The following CHD6 variants were observed in gnomAD, a reference collection of about 807,000 sequenced individuals.
CHD6 encodes the protein ATP-dependent chromatin remodeler CHD6.
CHD6 carries 50 observed loss-of-function variants against 276.9 expected under a neutral mutation model. The observed-to-expected ratio is 0.18, with a 90% CI of 0.14 to 0.23. The LOEUF (loss-of-function observed/expected upper bound fraction) is 0.23, where lower values mean the gene tolerates loss of function less well. Among genes scored for constraint, CHD6 ranks in the 10% least tolerant of loss-of-function variants. CHD6 has a pLI of 1.00. For missense variants in CHD6, 2,564 were observed against 3,365.8 expected, an observed-to-expected ratio of 0.76 and a Z score of 5.89; for synonymous variants, 1,173 against 1,229.3, an observed-to-expected ratio of 0.95 and a Z score of 0.96.
chr20:41,478,834 A>G (rs2043226660), intron 16 of CHD6, among the ~76,000 whole-genome samples: 1 of 152,232 alleles, frequency 6.6e-6, no homozygotes, highest in African/African-American at 2.4e-5. Flanking sequence ...CATAATATTC[A>G]CTAGGGCTAG....
intron 27 of CHD6, among the ~76,000 whole-genome samples, chr20:41,429,351 C>T (rs774586353): frequency 1.9e-4 from 29 of 152,314 alleles, no homozygotes; most frequent in South Asian, 6.2e-4. Flanking sequence ...TCTGGCTGCA[C>T]GTGACATCTG....
At chr20:41,517,883 T>C (rs2044289944) in intron 3 of CHD6, among the ~76,000 whole-genome samples, 1 of 152,244 alleles carries the variant, frequency 6.6e-6, no homozygotes, top group African/African-American at 2.4e-5. Flanking sequence ...AAGTCATGTA[T>C]TTTGCCTCTT....
intron 36 of CHD6, among the ~76,000 whole-genome samples, chr20:41,406,482 CG>C (rs2046679055): frequency 6.6e-6 from 1 of 152,194 alleles, no homozygotes; most frequent in South Asian, 2.1e-4. Context: ...CATCAGCGAG[CG>C]GAAGGCAGCA....
At chr20:41,510,223 G>A (rs914733947) in intron 5 of CHD6, among the ~76,000 whole-genome samples, 62 of 152,218 alleles carry the variant, frequency 4.1e-4, no homozygotes, top group African/African-American at 1.4e-3. Context: ...TGGAATCCTA[G>A]ATGAGATTCA....
At chr20:41,544,749 ACT>A (rs1371368820) in intron 2 of CHD6, among the ~76,000 whole-genome samples, 11 of 150,776 alleles carry the variant, frequency 7.3e-5, no homozygotes, top group Admixed American at 5.3e-4. Context: ...AATCATATGT[ACT>A]GTTATGATAC....
chr20:41,412,874 A>G (rs923196376), intron 35 of CHD6, among the ~76,000 whole-genome samples: 1 of 152,216 alleles, frequency 6.6e-6, no homozygotes, highest in African/African-American at 2.4e-5. Context: ...CTAAGGACAG[A>G]CCGTCCCCCA....
intron 4 of CHD6, among the ~76,000 whole-genome samples, 171 bp downstream of exon 4, chr20:41,514,634 G>A (rs776087873): frequency 2.0e-5 from 3 of 152,078 alleles, no homozygotes; most frequent in South Asian, 2.1e-4. Flanking sequence ...TATACTGATC[G>A]GGCTAGGGCA....
chr20:41,529,137 C>A (rs191418943), intron 3 of CHD6, among the ~76,000 whole-genome samples: 3 of 152,306 alleles, frequency 2.0e-5, no homozygotes, highest in East Asian at 1.9e-4. Flanking sequence ...GTGCCTTGGA[C>A]AAGTTACTTA....
At chr20:41,535,881 A>C (rs2044819987) in intron 2 of CHD6, among the ~76,000 whole-genome samples, 1 of 152,166 alleles carries the variant, frequency 6.6e-6, no homozygotes, top group Non-Finnish European at 1.5e-5. Context: ...AATAAAAATA[A>C]AAGTTAAATG....
At chr20:41,454,602 G>T in intron 20 of CHD6, 24 bp downstream of exon 20, 1 of 1,534,348 alleles carries the variant, frequency 6.5e-7, no homozygotes, top group Non-Finnish European at 9.0e-7. Context: ...ATGTTCCATG[G>T]AATAAAATAT....
At chr20:41,405,601 G>C (rs1600777247) in intron 36 of CHD6, 112 bp from the exon 37 acceptor site, 1 of 781,940 alleles carries the variant, frequency 1.3e-6, no homozygotes, top group Non-Finnish European at 2.0e-6. Context: ...CTGCACGAAG[G>C]GTTCCCAGTA....
rs563459712 is a variant in CHD6 at position 41,458,725 on chromosome 20, T to C, written c.2665-1297A>G. Among the ~76,000 whole-genome samples the C allele has an allele frequency of 6.6e-5, 10 of 152,308 alleles. No individual in the cohort carries two copies. The South Asian group carries it at 2.1e-3, about 32-fold the overall frequency. On this transcript the variant is annotated intron_variant, in intron 17 of 36. Transcript: ENST00000373233. ...TTCCACACTCCTCTTGTACATTTCC[T>C]GTCCAGACCTGGCTTCAGCCATTTT...
chr20:41,494,172 G>A (rs2043622122), intron 8 of CHD6, among the ~76,000 whole-genome samples: 1 of 152,192 alleles, frequency 6.6e-6, no homozygotes, highest in South Asian at 2.1e-4. Context: ...CCCTAGCCAG[G>A]TAATAATTCC....
chr20:41,554,523 C>A (rs1360090249), intron 1 of CHD6, among the ~76,000 whole-genome samples: 1 of 151,554 alleles, frequency 6.6e-6, no homozygotes, highest in Non-Finnish European at 1.5e-5. Flanking sequence ...TTTTCCTAGG[C>A]AGAGGACCCT....
chr20:41,494,738 T>C (rs2043640326), intron 8 of CHD6, among the ~76,000 whole-genome samples: 1 of 152,200 alleles, frequency 6.6e-6, no homozygotes, highest in African/African-American at 2.4e-5. Flanking sequence ...GCAAGGCACT[T>C]TTGGGGCTAA....
At position 41,431,776 on chromosome 20, in the gene CHD6, C is replaced by CTT. The variant is rs61227802; in HGVS notation, c.4068+5496_4068+5497dup. Among the ~76,000 whole-genome samples the CTT allele has an allele frequency of 2.1e-4, 22 of 104,768 alleles. 2 individuals are homozygous for CTT. Among genetic ancestry groups the CTT allele is most frequent in the East Asian group, 9.9e-4 (3 of 3,036 alleles). The allele number at this position is 104,768 out of a possible 152,430, so 68.7% of individuals were successfully genotyped here. On this transcript the variant is annotated intron_variant, in intron 27 of 36. Coordinates refer to ENST00000373233, the MANE Select transcript of CHD6 (RefSeq NM_032221.5). The stretch of plus-strand genomic sequence containing the variant: ...AGGAATGACATGATGAAAAAACATG[C>CTT]TTTTTTTTTTTTTTTGCTTCATATA...
intron 10 of CHD6, 111 bp downstream of exon 10, chr20:41,493,427 G>T: frequency 8.9e-7 from 1 of 1,121,578 alleles, no homozygotes. Flanking sequence ...AGTAACAAAG[G>T]TAAAATACCA....
chr20:41,585,588 A>T (rs867893960), intron 1 of CHD6, among the ~76,000 whole-genome samples: 18 of 152,116 alleles, frequency 1.2e-4, no homozygotes, highest in African/African-American at 4.3e-4. Context: ...TTACAGTTAA[A>T]CGCCTTCCAA....
chr20:41,548,434 T>A (rs533855730), intron 2 of CHD6, among the ~76,000 whole-genome samples: 1 of 152,192 alleles, frequency 6.6e-6, no homozygotes, highest in Non-Finnish European at 1.5e-5. Context: ...GTGGAATCAC[T>A]AAAGAATGTT....
Sources: gnomAD v4.1 joint callset for allele counts (sites outside exome capture counted in the v4.1 genomes callset) on GRCh38, gnomAD v4.1.1 for gene constraint, MANE v1.5 for transcripts, NCBI Gene and HGNC (gene_info 2026-07-23, HGNC 2026-07-21) for gene names.